Variants in DPP6 observed in about 807,000 individuals in gnomAD.
DPP6 encodes the protein A-type potassium channel modulatory protein DPP6.
A neutral mutation model predicts 122.6 loss-of-function variants in DPP6; 69 were observed. That is an observed-to-expected ratio of 0.56 (90% CI 0.46 to 0.69). The LOEUF is 0.69. DPP6 is among the 30% of genes least tolerant of loss of function. The probability of loss-of-function intolerance (pLI) is 0.00; values close to 1 mark genes in which losing one functional copy is unlikely to be tolerated. For missense variants in DPP6, 928 were observed against 1,116.9 expected (o/e 0.83, Z 2.41); for synonymous variants, 418 against 433.1 (o/e 0.97, Z 0.43).
intron 3 of DPP6, among the ~76,000 whole-genome samples, chr7:154,528,952 G>C (rs747100533): frequency 3.3e-5 from 5 of 152,232 alleles, no homozygotes; most frequent in African/African-American, 4.8e-5. Flanking sequence ...CAAATGGGAA[G>C]AGGGGCCAAG....
chr7:154,741,794 GA>G (rs1238227908), intron 8 of DPP6, among the ~76,000 whole-genome samples: 1 of 152,208 alleles, frequency 6.6e-6, no homozygotes, highest in African/African-American at 2.4e-5. Flanking sequence ...GGTCCACTCA[GA>G]TGCTCATGCT....
chr7:153,773,040 T>C, the DPP6 span, among the ~76,000 whole-genome samples: 1 of 144,210 alleles, frequency 6.9e-6, no homozygotes, highest in African/African-American at 2.5e-5. Context: ...TAAAAGTCTT[T>C]GATATTAATA....
intron 1 of DPP6, among the ~76,000 whole-genome samples, chr7:154,424,084 T>C (rs1265316086): frequency 6.6e-6 from 1 of 152,218 alleles, no homozygotes; most frequent in Non-Finnish European, 1.5e-5. Flanking sequence ...TATCCTCTCC[T>C]GTTTTTGCAC....
intron 5 of DPP6, among the ~76,000 whole-genome samples, chr7:154,626,416 AATC>A (rs918773872): frequency 2.0e-5 from 3 of 152,208 alleles, no homozygotes; most frequent in Non-Finnish European, 2.9e-5. Context: ...CCTCGGTTTT[AATC>A]ATCTTGTTAT....
intron 1 of DPP6, among the ~76,000 whole-genome samples, chr7:154,442,689 T>C (rs1819491844): frequency 6.6e-6 from 1 of 152,132 alleles, no homozygotes; most frequent in South Asian, 2.1e-4. Flanking sequence ...AACAGAAGGC[T>C]AGAGCCCCAG....
chr7:153,980,099 G>C (rs958540300), intron 1 of DPP6, among the ~76,000 whole-genome samples: 2 of 152,110 alleles, frequency 1.3e-5, no homozygotes, highest in Non-Finnish European at 2.9e-5. Context: ...CTATTGTTTG[G>C]AATAGTTTTA....
chr7:154,227,740 C>T lies in DPP6; in HGVS notation c.243+174677C>T, dbSNP rs539688974. On this transcript the variant is annotated intron_variant, in intron 1 of 25. Transcript: ENST00000377770. Reference sequence around the variant, plus strand: ...AAGGACAGGTTCAGGGTGGGTAAGACTTATTTGGGGAGATTGTCATTCAAA... The same window carrying T: ...AAGGACAGGTTCAGGGTGGGTAAGATTTATTTGGGGAGATTGTCATTCAAA... Among the ~76,000 whole-genome samples, 3 of 152,204 alleles carry T rather than the reference C, an allele frequency of 2.0e-5. No individual in the cohort carries two copies. The South Asian group carries it at 6.2e-4, about 32-fold the overall frequency.
At chr7:153,864,672 TACACACACACACACACACACACAC>T in the DPP6 span, among the ~76,000 whole-genome samples, 9 of 135,274 alleles carry the variant, frequency 6.7e-5, no homozygotes, top group South Asian at 5.3e-4. Context: ...ATAATAATAA[TACACACACACACACACACACACAC>T]ACACACACAC....
chr7:154,841,386 C>T (rs1023542751), intron 16 of DPP6, among the ~76,000 whole-genome samples: 1 of 150,564 alleles, frequency 6.6e-6, no homozygotes, highest in African/African-American at 2.5e-5. Flanking sequence ...CTTGCCTCAG[C>T]GCACAAAACT....
chr7:153,849,816 T>G, the DPP6 span, among the ~76,000 whole-genome samples: 1 of 152,216 alleles, frequency 6.6e-6, no homozygotes, highest in East Asian at 1.9e-4. Flanking sequence ...ATCTTCTTTT[T>G]GTTAACATTT....
intron 2 of DPP6, among the ~76,000 whole-genome samples, chr7:154,458,178 C>T (rs1010362212): frequency 6.6e-6 from 1 of 152,152 alleles, no homozygotes; most frequent in African/African-American, 2.4e-5. Flanking sequence ...TTGTAGCTCC[C>T]ATAATTCCCA....
intron 7 of DPP6, 106 bp from the exon 8 acceptor site, chr7:154,727,661 C>T: frequency 2.8e-6 from 4 of 1,426,286 alleles, no homozygotes; most frequent in Non-Finnish European, 3.7e-6. Flanking sequence ...CTAATAAATA[C>T]AACAGGAAAA....
intron 1 of DPP6, among the ~76,000 whole-genome samples, chr7:153,912,708 C>T (rs1026508703): frequency 3.9e-5 from 6 of 152,122 alleles, no homozygotes; most frequent in Admixed American, 2.6e-4. Flanking sequence ...TAAGGAGTTG[C>T]ACTCTAATTT....
At chr7:153,788,953 G>T in the DPP6 span, among the ~76,000 whole-genome samples, 7 of 142,100 alleles carry the variant, frequency 4.9e-5, no homozygotes, top group Admixed American at 4.9e-4. Context: ...CAACATGAGC[G>T]AAAGTCTGTC....
intron 1 of DPP6, among the ~76,000 whole-genome samples, chr7:154,426,533 C>T (rs961930489): frequency 3.9e-5 from 6 of 151,976 alleles, no homozygotes; most frequent in Non-Finnish European, 7.4e-5. Context: ...CCTTGTTGAC[C>T]GTAGTGCTTT....
At chr7:154,231,592 G>A (rs559045163) in intron 1 of DPP6, among the ~76,000 whole-genome samples, 2 of 152,302 alleles carry the variant, frequency 1.3e-5, no homozygotes, top group East Asian at 3.9e-4. Flanking sequence ...GGTGCAAGGA[G>A]TGGGCTTAAC....
intron 7 of DPP6, among the ~76,000 whole-genome samples, chr7:154,693,173 C>T (rs1840030697): frequency 6.6e-6 from 1 of 152,092 alleles, no homozygotes; most frequent in Admixed American, 6.5e-5. Flanking sequence ...TTTGGCTCCC[C>T]TAAAATTCAC....
At chr7:154,045,390 G>A (rs890482601) in intron 1 of DPP6, among the ~76,000 whole-genome samples, 4 of 152,310 alleles carry the variant, frequency 2.6e-5, no homozygotes, top group African/African-American at 9.6e-5. Context: ...CTAGTACATT[G>A]CTCTAGTGCA....
At chr7:154,883,670 G>A (rs571023642) in intron 21 of DPP6, 15 of 113,822 alleles carry the variant, frequency 1.3e-4, no homozygotes, top group African/African-American at 5.4e-4. Flanking sequence ...ATGCTCACAC[G>A]ATTACATACA....
Sources: allele counts gnomAD v4.1 joint callset (sites outside exome capture counted in the v4.1 genomes callset), GRCh38; gene constraint gnomAD v4.1.1; transcripts MANE v1.5; gene names NCBI Gene and HGNC (gene_info 2026-07-23, HGNC 2026-07-21).